Variants in CBX3 observed in about 807,000 individuals in gnomAD.
CBX3 encodes chromobox protein homolog 3.
CBX3 carries 5 observed loss-of-function variants against 22.6 expected under a neutral mutation model. That is an observed-to-expected ratio of 0.22 (90% CI 0.12 to 0.47). CBX3 has a LOEUF of 0.47. CBX3 is among the 20% of genes least tolerant of loss of function. CBX3 has a pLI of 0.99. For missense variants in CBX3, 83 were observed against 208.1 expected (o/e 0.40, Z 3.70); for synonymous variants, 50 against 66.6 (o/e 0.75, Z 1.21).
Position 26,206,084 on chromosome 7 carries a change from C to A in CBX3, c.25-284C>A, listed in dbSNP as rs149908387. 6 of 293,818 alleles carry A rather than the reference C, an allele frequency of 2.0e-5. No individual in the cohort carries two copies. In the East Asian group the frequency reaches 4.5e-4, roughly 22 times the overall value. The allele number at this position is 293,818 out of a possible 1,614,324, so 18.2% of individuals were successfully genotyped here. On this transcript the variant is annotated intron_variant, in intron 2 of 5. Coordinates refer to ENST00000396386, the MANE Select transcript of CBX3 (RefSeq NM_016587.4). ...CAGCCTGGGCGACAAGAGTGTGAGA[C>A]CCTGTCTCAAAAAAAAAGACTGGAA... is the stretch of plus-strand genomic sequence containing the variant.
intron 2 of CBX3, among the ~76,000 whole-genome samples, chr7:26,203,399 A>G (rs77270165): frequency 0.019 from 2,855 of 152,286 alleles, 92 homozygotes; most frequent in African/African-American, 0.066. Flanking sequence ...AAGTATTTTC[A>G]TTAAAGCCCA....
intron 2 of CBX3, 151 bp from the exon 3 acceptor site, chr7:26,206,217 T>C (rs1325769519): frequency 1.0e-5 from 6 of 576,438 alleles, no homozygotes; most frequent in Admixed American, 1.0e-4. Flanking sequence ...TTATTGTCTG[T>C]TGACTTTTAA....
intron 4 of CBX3, chr7:26,210,445 CAAAG>C: frequency 6.6e-6 from 1 of 152,296 alleles, no homozygotes; most frequent in South Asian, 2.1e-4. Flanking sequence ...ACCTAAACCA[CAAAG>C]AGGTTAATTA....
chr7:26,212,238 AT>A lies in CBX3; in HGVS notation c.*31del. The A allele has an allele frequency of 9.2e-7, 1 of 1,089,528 alleles. No individual in the cohort carries two copies. Among genetic ancestry groups the A allele is most frequent in the South Asian group, 4.0e-5 (1 of 25,308 alleles). 67.5% of individuals were successfully genotyped at this position (1,089,528 alleles called of 1,614,324 possible). Reference sequence around the variant, plus strand: ...TCACATTGTTCTTTTATATATATTTATATATATATATAAAAATTGGGTCTTA... The same window carrying A: ...TCACATTGTTCTTTTATATATATTTAATATATATATAAAAATTGGGTCTTA... On this transcript the variant is annotated 3_prime_UTR_variant, in exon 6 of 6. Transcript: ENST00000396386.
chr7:26,208,280 G>A, intron 3 of CBX3, 113 bp from the exon 4 acceptor site: 1 of 755,536 alleles, frequency 1.3e-6, no homozygotes, highest in Non-Finnish European at 2.1e-6. Flanking sequence ...ATTAGTATCT[G>A]CAGTACAGAG....
chr7:26,202,903 CAG>C (rs770285126), intron 1 of CBX3, 66 bp from the exon 2 acceptor site: 151 of 983,974 alleles, frequency 1.5e-4, no homozygotes, highest in East Asian at 1.1e-3. Context: ...GGAATCCAAA[CAG>C]AATTTGTATT....
At chr7:26,201,587 C>G (rs1042379937), upstream of CBX3, 20 of 150,906 alleles carry the variant, frequency 1.3e-4, no homozygotes, top group African/African-American at 4.6e-4. Context: ...GTCGGCGCCT[C>G]CGCCCTCCCC....
Position 26,213,568 on chromosome 7 carries a change from T to G in CBX3, c.*1360T>G, listed in dbSNP as rs1784863214. On this transcript the variant is annotated 3_prime_UTR_variant, in exon 6 of 6. Transcript: ENST00000396386. ...GGAAATAAAAGTTTCATGTGATGCC[T>G]AGGGTCAATTGTCTCATTAAAATGA... Among the ~76,000 whole-genome samples the G allele has an allele frequency of 6.6e-6, 1 of 152,174 alleles. No individual in the cohort carries two copies. Among genetic ancestry groups the G allele is most frequent in the Non-Finnish European group, 1.5e-5 (1 of 68,026 alleles).
chr7:26,207,558 G>A (rs1562746145), intron 3 of CBX3, among the ~76,000 whole-genome samples: 1 of 152,008 alleles, frequency 6.6e-6, no homozygotes. Flanking sequence ...TCACCCTGTT[G>A]CCCAGGCTGG....
rs59657982 is a variant in CBX3 at position 26,208,917 on chromosome 7, C to CTTTTTTT, written c.330+390_330+396dup. ...GTAGGCATGAGCCACCACGCCTGGC[C>CTTTTTTT]TTTTTTTTTTTTTTTTTTTTTTTTT... is the stretch of plus-strand genomic sequence containing the variant. On this transcript the variant is annotated intron_variant, in intron 4 of 5. Transcript: ENST00000396386. 1.6e-3 allele frequency among the ~76,000 whole-genome samples: 45 copies of CTTTTTTT among 27,942 alleles called. 14 individuals carry two copies. In the East Asian group the frequency reaches 0.039, roughly 25 times the overall value. The allele number at this position is 27,942 out of a possible 152,430, so 18.3% of individuals were successfully genotyped here.
Position 26,208,917 on chromosome 7 carries a change from C to CTTTTTTTTTTTTT in CBX3, c.330+384_330+396dup, listed in dbSNP as rs59657982. Among the ~76,000 whole-genome samples the CTTTTTTTTTTTTT allele has an allele frequency of 1.4e-4, 4 of 27,942 alleles. 2 individuals are homozygous for CTTTTTTTTTTTTT. The highest frequency in any genetic ancestry group is 2.3e-4 in the Non-Finnish European group (4 of 17,250). 18.3% of individuals were successfully genotyped at this position (27,942 alleles called of 152,430 possible). ...GTAGGCATGAGCCACCACGCCTGGC[C>CTTTTTTTTTTTTT]TTTTTTTTTTTTTTTTTTTTTTTTT... On this transcript the variant is annotated intron_variant, in intron 4 of 5. Transcript: ENST00000396386.
At chr7:26,207,124 A>G (rs976584573) in intron 3 of CBX3, among the ~76,000 whole-genome samples, 1 of 152,220 alleles carries the variant, frequency 6.6e-6, no homozygotes, top group African/African-American at 2.4e-5. Context: ...CTTACACCAC[A>G]AAGCTCCATA....
intron 4 of CBX3, among the ~76,000 whole-genome samples, chr7:26,211,078 TAAAAAAAAA>T (rs74744309): frequency 1.2e-3 from 124 of 106,716 alleles, no homozygotes; most frequent in Middle Eastern, 0.012. Context: ...GCTGATGAGC[TAAAAAAAAA>T]AAAAAAAAAA....
At chr7:26,208,666 G>A (rs917607882) in intron 4 of CBX3, 111 bp downstream of exon 4, 143 of 1,003,596 alleles carry the variant, frequency 1.4e-4, no homozygotes, top group Non-Finnish European at 2.0e-4. Context: ...TGTCGCCCAG[G>A]CTGGAGTGCA....
chr7:26,206,605 T>G, intron 3 of CBX3, 95 bp downstream of exon 3: 1 of 1,104,448 alleles, frequency 9.1e-7, no homozygotes, highest in Non-Finnish European at 1.4e-6. Context: ...TGCTTTCCTG[T>G]AGGTGTCTTT....
chr7:26,212,332 T>C lies in CBX3; in HGVS notation c.*124T>C, dbSNP rs1784820496. On this transcript the variant is annotated 3_prime_UTR_variant, in exon 6 of 6. Transcript: ENST00000396386. ...AAAATCAAGTTTGATATGTTTGTTT[T>C]GAAAGTAGCGTTGGAAGAGTTGTTG... The C allele has an allele frequency of 1.6e-6, 1 of 611,378 alleles. No homozygotes were observed. The highest frequency in any genetic ancestry group is 2.2e-6 in the Non-Finnish European group (1 of 445,930). The allele number at this position is 611,378 out of a possible 1,614,324, so 37.9% of individuals were successfully genotyped here.
chr7:26,208,573 C>G lies in CBX3; in HGVS notation c.330+18C>G. 6.5e-7 allele frequency: 1 copy of G among 1,547,840 alleles called. No homozygotes were observed. Among genetic ancestry groups the G allele is most frequent in the East Asian group, 2.3e-5 (1 of 42,922 alleles). ...GAGATGCTGTAAGTATAAAATATTGCCCACCAGCTTGTCCTTTTGTAAAAG... is the reference window on the plus strand; with the variant it reads ...GAGATGCTGTAAGTATAAAATATTGGCCACCAGCTTGTCCTTTTGTAAAAG... On this transcript the variant is annotated intron_variant, in intron 4 of 5. Coordinates refer to ENST00000396386, the MANE Select transcript of CBX3 (RefSeq NM_016587.4).
Position 26,213,577 on chromosome 7 carries a change from T to C in CBX3, c.*1369T>C, listed in dbSNP as rs1289704545. 6.6e-6 allele frequency among the ~76,000 whole-genome samples: 1 copy of C among 152,168 alleles called. No individual in the cohort carries two copies. Among genetic ancestry groups the C allele is most frequent in the African/African-American group, 2.4e-5 (1 of 41,448 alleles). Reference sequence around the variant, plus strand: ...AGTTTCATGTGATGCCTAGGGTCAATTGTCTCATTAAAATGAGGTTTTAAA... The same window carrying C: ...AGTTTCATGTGATGCCTAGGGTCAACTGTCTCATTAAAATGAGGTTTTAAA... On this transcript the variant is annotated 3_prime_UTR_variant, in exon 6 of 6. Transcript: ENST00000396386.
rs762704799 is a variant in CBX3 at position 26,208,571 on chromosome 7, T to A, written c.330+16T>A. On this transcript the variant is annotated intron_variant, in intron 4 of 5. Transcript: ENST00000396386. Reference sequence around the variant, plus strand: ...AAGAGATGCTGTAAGTATAAAATATTGCCCACCAGCTTGTCCTTTTGTAAA... The same window carrying A: ...AAGAGATGCTGTAAGTATAAAATATAGCCCACCAGCTTGTCCTTTTGTAAA... The A allele has an allele frequency of 4.6e-6, 7 of 1,510,454 alleles. No individual in the cohort carries two copies. Among genetic ancestry groups the A allele is most frequent in the Non-Finnish European group, 6.3e-6 (7 of 1,117,472 alleles). 93.6% of individuals were successfully genotyped at this position (1,510,454 alleles called of 1,614,324 possible).
Sources: allele counts gnomAD v4.1 joint callset (sites outside exome capture counted in the v4.1 genomes callset), GRCh38; gene constraint gnomAD v4.1.1; transcripts MANE v1.5; gene names NCBI Gene and HGNC (gene_info 2026-07-23, HGNC 2026-07-21).